The following NKX2-4 variants were observed in gnomAD, a reference collection of about 807,000 sequenced individuals.
NKX2-4 encodes homeobox protein Nkx-2.4.
Under a neutral mutation model 8.6 loss-of-function variants are expected in NKX2-4, and 6 were observed. The ratio of observed to expected loss-of-function variants is 0.70; its 90% CI spans 0.38 to 1.38. NKX2-4 has a LOEUF of 1.38. Among genes scored for constraint, NKX2-4 ranks in the 40% most tolerant of loss-of-function variants. The probability of loss-of-function intolerance (pLI) is 0.02; values close to 1 mark genes in which losing one functional copy is unlikely to be tolerated. For synonymous variants in NKX2-4, 299 were observed against 272.6 expected (o/e 1.10, Z -0.95); for missense variants, 601 against 548.4 (o/e 1.10, Z -0.96).
At chr20:21,396,582 G>A in intron 1 of NKX2-4, 49 bp from the exon 2 acceptor site, 1 of 1,346,224 alleles carries the variant, frequency 7.4e-7, no homozygotes, top group Non-Finnish European at 9.5e-7. Context: ...AGGCCCGCCG[G>A]GAGCCGGTCC....
At position 21,396,466 on chromosome 20, in the gene NKX2-4, C is replaced by A; in HGVS notation, c.510G>T (p.Ala170=). The A allele has an allele frequency of 1.3e-6, 2 of 1,485,270 alleles. No individual in the cohort carries two copies. The highest frequency in any genetic ancestry group is 1.8e-6 in the Non-Finnish European group (2 of 1,130,428). 92.0% of individuals were successfully genotyped at this position (1,485,270 alleles called of 1,614,324 possible). A position where few individuals can be genotyped will look rare whatever the true frequency, so the allele number is the denominator to read the frequency against. Residue 170 remains alanine, a synonymous_variant, in exon 2 of 2, where the codon GCG becomes GCT. Coordinates refer to ENST00000351817, the MANE Select transcript of NKX2-4 (RefSeq NM_033176.2). The stretch of plus-strand genomic sequence containing the variant: ...GCGGGCCCAGCGACTTGGCGGCGTC[C>A]GCGATGCCGGTCAGCGACCCCATGC... ...VAGMGSLTGI[A]DAAKSLGPLH...
Position 21,397,295 on chromosome 20 carries a change from T to G in NKX2-4, c.105A>C (p.Pro35=). 7.7e-7 allele frequency: 1 copy of G among 1,305,810 alleles called. No individual in the cohort carries two copies. Among genetic ancestry groups the G allele is most frequent in the Non-Finnish European group, 9.7e-7 (1 of 1,031,644 alleles). The allele number at this position is 1,305,810 out of a possible 1,614,324, so 80.9% of individuals were successfully genotyped here. A position where few individuals can be genotyped will look rare whatever the true frequency, so the allele number is the denominator to read the frequency against. ...KKFSGAMDGA[P]PGLGAPLGAA... ...CCCCCAGGGGCGCCCCCAGGCCGGG[T>G]GGCGCGCCGTCCATGGCGCCGCTGA... The change falls in exon 1 of 2, where the codon CCA becomes CCC. Residue 35 remains proline, a synonymous_variant. Transcript: ENST00000351817.
Position 21,397,132 on chromosome 20 carries a change from C to T in NKX2-4, c.268G>A (p.Ala90Thr). The T allele has an allele frequency of 1.6e-6, 2 of 1,274,570 alleles. No homozygotes were observed. Among genetic ancestry groups the T allele is most frequent in the Non-Finnish European group, 2.0e-6 (2 of 1,016,368 alleles). 79.0% of individuals were successfully genotyped at this position (1,274,570 alleles called of 1,614,324 possible). ...AAAAAAAAAA[A>T]ATYHMPPGVS... ...CCGGGCGGCATGTGGTAGGTGGCGGCCGCCGCCGCCGCAGCTGCTGCCGCC... is the reference window on the plus strand; with the variant it reads ...CCGGGCGGCATGTGGTAGGTGGCGGTCGCCGCCGCCGCAGCTGCTGCCGCC... Residue 90 changes from alanine to threonine, a missense_variant, in exon 1 of 2, where the codon GCC becomes ACC. Physicochemically the swap from Ala to Thr is moderately conservative, Grantham distance 58. Coordinates refer to ENST00000351817, the MANE Select transcript of NKX2-4 (RefSeq NM_033176.2).
rs926862769 is a variant in NKX2-4, at chr20:21,397,133, CGCCGCCGCCGCAGCT to C, written c.252_266del (p.Ala87_Ala91del). On this transcript the variant is annotated inframe_deletion, in exon 1 of 2. Transcript: ENST00000351817. ...CGGGCGGCATGTGGTAGGTGGCGGC[CGCCGCCGCCGCAGCT>C]GCTGCCGCCGCCGCCGCGGCCGCCG... The C allele has an allele frequency of 1.4e-5, 18 of 1,273,844 alleles. No homozygotes were observed. In the African/African-American group the frequency reaches 1.6e-4, roughly 11 times the overall value. The allele number at this position is 1,273,844 out of a possible 1,614,324, so 78.9% of individuals were successfully genotyped here.
At position 21,397,385 on chromosome 20, in the gene NKX2-4, TG is replaced by T. The variant is rs760948311; in HGVS notation, c.14del (p.Pro5GlnfsTer13). On this transcript the variant is annotated frameshift_variant, in exon 1 of 2. Coordinates refer to ENST00000351817, the MANE Select transcript of NKX2-4 (RefSeq NM_033176.2). LOFTEE classifies it high-confidence loss of function. ...ACACGGAGAAGGGCGTCGTGTGCTT[TG>T]GGCTCAACGACATGGCTCGGCGGGC... The part of the protein sequence containing the change: MSLS[P>X]KHTTPFSVSD... 7.8e-6 allele frequency: 11 copies of T among 1,411,270 alleles called. No individual in the cohort carries two copies. In the Admixed American group the frequency reaches 2.5e-4, roughly 33 times the overall value. The allele number at this position is 1,411,270 out of a possible 1,614,324, so 87.4% of individuals were successfully genotyped here.
Position 21,396,277 on chromosome 20 carries a change from G to A in NKX2-4, c.699C>T (p.Val233=), listed in dbSNP as rs181422340. ...ASMIHLTPTQ[V]KIWFQNHRYK... ...ACCGGTGGTTCTGGAACCAGATCTT[G>A]ACCTGCGTGGGCGTCAGGTGGATCA... Residue 233 remains valine, a synonymous_variant, in exon 2 of 2, where the codon GTC becomes GTT. Coordinates refer to ENST00000351817, the MANE Select transcript of NKX2-4 (RefSeq NM_033176.2). 6.2e-7 allele frequency: 1 copy of A among 1,606,742 alleles called. No homozygotes were observed. The highest frequency in any genetic ancestry group is 2.3e-5 in the East Asian group (1 of 44,324).
chr20:21,396,735 C>G (rs1216388454), intron 1 of NKX2-4, among the ~76,000 whole-genome samples: 1 of 150,526 alleles, frequency 6.6e-6, no homozygotes, highest in Non-Finnish European at 1.5e-5. Flanking sequence ...TCAACGGGTC[C>G]CAGGACGCCG....
chr20:21,396,609 A>T, intron 1 of NKX2-4, 76 bp from the exon 2 acceptor site: 1 of 1,211,050 alleles, frequency 8.3e-7, no homozygotes, highest in Non-Finnish European at 1.1e-6. Flanking sequence ...CGCTCTCTTC[A>T]CGCCGCGGCC....
In NKX2-4 at chr20:21,397,176, T is replaced by C; in HGVS notation, c.224A>G (p.Asn75Ser). 2 of 1,261,918 alleles carry C rather than the reference T, an allele frequency of 1.6e-6. No homozygotes were observed. Among genetic ancestry groups the C allele is most frequent in the Middle Eastern group, 3.1e-4 (1 of 3,232 alleles). 78.2% of individuals were successfully genotyped at this position (1,261,918 alleles called of 1,614,324 possible). ...TGCCGCCGCCGCCGCGGCCGCCGCG[T>C]TGTGACCCGCCATGGCGTGAGAAGG... ...MQPSHAMAGH[N>S]AAAAAAAAAA... Residue 75 changes from asparagine to serine, a missense_variant, in exon 1 of 2, where the codon AAC becomes AGC. Transcript: ENST00000351817.
At chr20:21,396,929 C>T (rs1248937358) in intron 1 of NKX2-4, 29 bp downstream of exon 1, 58 of 1,365,310 alleles carry the variant, frequency 4.2e-5, no homozygotes, top group Non-Finnish European at 5.5e-5. Flanking sequence ...CTGAGCCGCC[C>T]GCAGCCCCGC....
rs2039034874 is a variant in NKX2-4, at chr20:21,397,172, C to A, written c.228G>T (p.Ala76=). 7.9e-7 allele frequency: 1 copy of A among 1,262,726 alleles called. No individual in the cohort carries two copies. Among genetic ancestry groups the A allele is most frequent in the Non-Finnish European group, 9.9e-7 (1 of 1,010,216 alleles). The allele number at this position is 1,262,726 out of a possible 1,614,324, so 78.2% of individuals were successfully genotyped here. A position where few individuals can be genotyped will look rare whatever the true frequency, so the allele number is the denominator to read the frequency against. ...CTGCTGCCGCCGCCGCCGCGGCCGC[C>A]GCGTTGTGACCCGCCATGGCGTGAG... ...QPSHAMAGHN[A]AAAAAAAAAA... Residue 76 remains alanine, a synonymous_variant, in exon 1 of 2, where the codon GCG becomes GCT. Coordinates refer to ENST00000351817, the MANE Select transcript of NKX2-4 (RefSeq NM_033176.2).
Position 21,397,294 on chromosome 20 carries a change from GTGGCGCGCCGTCCA to G in NKX2-4, c.92_105del (p.Met31ThrfsTer276), listed in dbSNP as rs2039036402. The G allele has an allele frequency of 7.6e-7, 1 of 1,307,304 alleles. No homozygotes were observed. The highest frequency in any genetic ancestry group is 2.4e-5 in the South Asian group (1 of 41,390). The allele number at this position is 1,307,304 out of a possible 1,614,324, so 81.0% of individuals were successfully genotyped here. A position where few individuals can be genotyped will look rare whatever the true frequency, so the allele number is the denominator to read the frequency against. On this transcript the variant is annotated frameshift_variant, in exon 1 of 2. Transcript: ENST00000351817. LOFTEE classifies it high-confidence loss of function. ...GCCCCCAGGGGCGCCCCCAGGCCGG[GTGGCGCGCCGTCCA>G]TGGCGCCGCTGAACTTCTTGTAGGT...
Position 21,397,277 on chromosome 20 carries a change from G to C in NKX2-4, c.123C>G (p.Pro41=). Residue 41 remains proline, a synonymous_variant, in exon 1 of 2, where the codon CCC becomes CCG. Transcript: ENST00000351817. ...MDGAPPGLGA[P]LGAAAAYRAP... ...CGCGGTAGGCGGCCGCGGCCCCCAG[G>C]GGCGCCCCCAGGCCGGGTGGCGCGC... 1 of 1,260,828 alleles carries C rather than the reference G, an allele frequency of 7.9e-7. No homozygotes were observed. Among genetic ancestry groups the C allele is most frequent in the Non-Finnish European group, 9.9e-7 (1 of 1,008,730 alleles). The allele number at this position is 1,260,828 out of a possible 1,614,324, so 78.1% of individuals were successfully genotyped here. A position where few individuals can be genotyped will look rare whatever the true frequency, so the allele number is the denominator to read the frequency against.
At chr20:21,396,578 G>T (rs1409096380) in intron 1 of NKX2-4, 45 bp from the exon 2 acceptor site, 2 of 1,347,490 alleles carry the variant, frequency 1.5e-6, no homozygotes, top group South Asian at 1.7e-5. Flanking sequence ...CTCCAGGCCC[G>T]CCGGGAGCCG....
chr20:21,396,846 C>A (rs2039028720), intron 1 of NKX2-4, 112 bp downstream of exon 1: 3 of 983,382 alleles, frequency 3.1e-6, no homozygotes, highest in Admixed American at 4.5e-5. Flanking sequence ...CGCGCCCGCT[C>A]GGCCCCAGGA....
Position 21,397,491 on chromosome 20 carries a change from AG to A in NKX2-4, c.-93del. 8.3e-7 allele frequency: 1 copy of A among 1,211,262 alleles called. No homozygotes were observed. Among genetic ancestry groups the A allele is most frequent in the East Asian group, 3.6e-5 (1 of 27,868 alleles). 75.0% of individuals were successfully genotyped at this position (1,211,262 alleles called of 1,614,324 possible). A position where few individuals can be genotyped will look rare whatever the true frequency, so the allele number is the denominator to read the frequency against. On this transcript the variant is annotated 5_prime_UTR_variant, in exon 1 of 2. Transcript: ENST00000351817. ...GCCGCCACCTCGGCCGCGGCAGCTG[AG>A]CCTGTGACGAGGAGTCGGCGGCTCG...
chr20:21,396,089 G>A lies in NKX2-4; in HGVS notation c.887C>T (p.Pro296Leu). The A allele has an allele frequency of 7.4e-7, 1 of 1,354,642 alleles. No homozygotes were observed. Among genetic ancestry groups the A allele is most frequent in the Non-Finnish European group, 9.4e-7 (1 of 1,059,996 alleles). 83.9% of individuals were successfully genotyped at this position (1,354,642 alleles called of 1,614,324 possible). Residue 296 changes from proline to leucine, a missense_variant, in exon 2 of 2, where the codon CCC becomes CTC. Transcript: ENST00000351817. ...PCQNGASTPTPGQAGPQPPAP... is the reference protein window; with the variant it reads ...PCQNGASTPTLGQAGPQPPAP... ...CGGCGGCTGCGGACCGGCCTGGCCGGGGGTGGGCGTGCTGGCGCCGTTCTG... is the reference window on the plus strand; with the variant it reads ...CGGCGGCTGCGGACCGGCCTGGCCGAGGGTGGGCGTGCTGGCGCCGTTCTG...
chr20:21,396,145 C>G lies in NKX2-4; in HGVS notation c.831G>C (p.Val277=). The change falls in exon 2 of 2, where the codon GTG becomes GTC. Residue 277 remains valine, a synonymous_variant. Transcript: ENST00000351817. ...PPPPSPRRVA[V]PVLVKDGKPC... ...GCTTGCCGTCCTTGACCAGCACAGG[C>G]ACCGCCACGCGGCGCGGGGACGGCG... 1 of 1,465,148 alleles carries G rather than the reference C, an allele frequency of 6.8e-7. No individual in the cohort carries two copies. Among genetic ancestry groups the G allele is most frequent in the Non-Finnish European group, 9.0e-7 (1 of 1,115,176 alleles). 90.8% of individuals were successfully genotyped at this position (1,465,148 alleles called of 1,614,324 possible).
In NKX2-4 at chr20:21,397,100, C is replaced by A; in HGVS notation, c.300G>T (p.Ser100=). ...AATYHMPPGV[S]QFPHGAMGSY... ...TGCCCATGGCGCCGTGCGGGAACTG[C>A]GAGACGCCGGGCGGCATGTGGTAGG... is the stretch of plus-strand genomic sequence containing the variant. The change falls in exon 1 of 2, where the codon TCG becomes TCT. Residue 100 remains serine, a synonymous_variant. Coordinates refer to ENST00000351817, the MANE Select transcript of NKX2-4 (RefSeq NM_033176.2). 7.3e-7 allele frequency: 1 copy of A among 1,378,218 alleles called. No individual in the cohort carries two copies. The highest frequency in any genetic ancestry group is 9.4e-7 in the Non-Finnish European group (1 of 1,063,102). The allele number at this position is 1,378,218 out of a possible 1,614,324, so 85.4% of individuals were successfully genotyped here.
Sources: allele counts gnomAD v4.1 joint callset (sites outside exome capture counted in the v4.1 genomes callset), GRCh38; gene constraint gnomAD v4.1.1; transcripts MANE v1.5; gene names NCBI Gene and HGNC (gene_info 2026-07-23, HGNC 2026-07-21).